The following CEP104 variants were observed in gnomAD, a reference collection of about 807,000 sequenced individuals.
CEP104 encodes centrosomal protein of 104 kDa.
Under a neutral mutation model 113.3 loss-of-function variants are expected in CEP104, and 84 were observed. The observed-to-expected ratio is 0.74, with a 90% CI of 0.62 to 0.89. The LOEUF (loss-of-function observed/expected upper bound fraction) is 0.89. Among genes scored for constraint, CEP104 ranks in the 40% least tolerant of loss-of-function variants. The pLI is 0.00. For synonymous variants in CEP104, 378 were observed against 421.7 expected (o/e 0.90, Z 1.27); for missense variants, 1,053 against 1,156.6 (o/e 0.91, Z 1.30).
At position 3,823,952 on chromosome 1, in the gene CEP104, A is replaced by G. The variant is rs1644032992; in HGVS notation, c.2365-390T>C. On this transcript the variant is annotated intron_variant, in intron 18 of 21. Transcript: ENST00000378230. This position sits in a 1 kb window ranked among gnomAD's most constrained non-coding sequence, Gnocchi z 4.1. ...CACAGAAACAGGACCACAGAAAAGA[A>G]TTTTAAGAGATTCTCTCGCTACGTT... Among the ~76,000 whole-genome samples, 1 of 152,226 alleles carries G rather than the reference A, an allele frequency of 6.6e-6. No homozygotes were observed. Among genetic ancestry groups the G allele is most frequent in the Non-Finnish European group, 1.5e-5 (1 of 68,042 alleles).
At chr1:3,849,022 C>T (rs1644562147) in intron 2 of CEP104, among the ~76,000 whole-genome samples, 1 of 152,156 alleles carries the variant, frequency 6.6e-6, no homozygotes. Flanking sequence ...CTATAGGAAT[C>T]ATACTCTTGG....
chr1:3,838,932 T>C (rs1230677470), intron 8 of CEP104, 32 bp downstream of exon 8: 1 of 1,612,074 alleles, frequency 6.2e-7, no homozygotes, highest in Non-Finnish European at 8.5e-7. Flanking sequence ...CTCCTAGGCT[T>C]TCCTCCACTC....
At chr1:3,822,227 G>C (rs934551736) in intron 20 of CEP104, among the ~76,000 whole-genome samples, 3 of 81,484 alleles carry the variant, frequency 3.7e-5, no homozygotes, top group African/African-American at 1.2e-4. Flanking sequence ...GAGAGAGAGA[G>C]ACTGACAGAC....
At chr1:3,836,308 A>G (rs1426893592) in intron 10 of CEP104, among the ~76,000 whole-genome samples, 187 bp downstream of exon 10, 3 of 94,358 alleles carry the variant, frequency 3.2e-5, no homozygotes, top group Non-Finnish European at 8.1e-5. Flanking sequence ...CCGTCTCAAA[A>G]AAAAAAAAAA....
rs200411994 is a variant in CEP104 at position 3,848,623 on chromosome 1, C to T, written c.272G>A (p.Arg91Gln). ...PEYFAPYQAE[R>Q]FRRLGYVSLC... ...TCATTCTTACCCAAGTCTTCGAAAC[C>T]GCTCTGCTTGATAGGGTGCAAAATA... is the stretch of plus-strand genomic sequence containing the variant. Residue 91 changes from arginine (R) to glutamine (Q), a missense_variant, in exon 3 of 22, where the codon CGG becomes CAG. Transcript: ENST00000378230. 477 of 1,611,184 alleles carry T rather than the reference C, an allele frequency of 3.0e-4. 6 individuals carry two copies. The East Asian group carries it at 9.1e-3, about 31-fold the overall frequency.
intron 6 of CEP104, among the ~76,000 whole-genome samples, chr1:3,841,929 T>C (rs17412654): frequency 0.2 from 30,123 of 152,266 alleles, 3,416 homozygotes; most frequent in Non-Finnish European, 0.25. Flanking sequence ...GCGGTCTTTG[T>C]GGAGAGGCTG....
At chr1:3,816,729 G>A (rs1643886684) in intron 20 of CEP104, among the ~76,000 whole-genome samples, 2 of 152,262 alleles carry the variant, frequency 1.3e-5, no homozygotes, top group Admixed American at 1.3e-4. Context: ...CAGGCCAGAA[G>A]ACAGAACGCG....
chr1:3,833,085 A>G (rs550234103), intron 12 of CEP104, among the ~76,000 whole-genome samples: 37 of 150,416 alleles, frequency 2.5e-4, no homozygotes, highest in African/African-American at 8.1e-4. Flanking sequence ...CCCGGGTTCG[A>G]TTCTCCTGCC....
chr1:3,834,954 T>C lies in CEP104; in HGVS notation c.1456A>G (p.Arg486Gly). ...GTCACAATGTCCTTTATGGCTCTTC[T>C]AACGAGAAAGACGGATGCTCTCAGT... ...NTLRASVFLV[R>G]RAIKDIVTSV... The change falls in exon 11 of 22, where the codon AGA becomes GGA. Residue 486 changes from arginine to glycine, a missense_variant. Arg to Gly is a moderately radical substitution (Grantham distance 125). Transcript: ENST00000378230. 1 of 1,603,270 alleles carries C rather than the reference T, an allele frequency of 6.2e-7. No individual in the cohort carries two copies. Among genetic ancestry groups the C allele is most frequent in the Non-Finnish European group, 8.5e-7 (1 of 1,174,348 alleles).
chr1:3,856,203 G>A (rs1016634662), intron 1 of CEP104, among the ~76,000 whole-genome samples: 1 of 152,204 alleles, frequency 6.6e-6, no homozygotes, highest in African/African-American at 2.4e-5. Context: ...GAGGTCAGGA[G>A]TTCGAGACCA....
intron 2 of CEP104, 42 bp downstream of exon 2, chr1:3,852,253 A>G: frequency 1.3e-6 from 2 of 1,583,184 alleles, no homozygotes; most frequent in East Asian, 4.5e-5. Context: ...CAGGGACCCG[A>G]GGCTGCCTCC....
chr1:3,839,844 G>T, intron 6 of CEP104, 68 bp from the exon 7 acceptor site: 1 of 1,303,656 alleles, frequency 7.7e-7, no homozygotes, highest in Non-Finnish European at 1.1e-6. Flanking sequence ...GAAGATGCAC[G>T]GTTGAGAAGA....
chr1:3,855,846 C>T, intron 1 of CEP104: 3 of 939,126 alleles, frequency 3.2e-6, no homozygotes, highest in Non-Finnish European at 3.8e-6. Flanking sequence ...CTCTGTTGAA[C>T]ATCCAGTTAT....
intron 6 of CEP104, among the ~76,000 whole-genome samples, chr1:3,843,833 CT>C (rs1268488102): frequency 6.6e-6 from 1 of 151,960 alleles, no homozygotes; most frequent in Non-Finnish European, 1.5e-5. Context: ...ACAATCTCGG[CT>C]CACCACAACC....
At chr1:3,849,530 C>T (rs902974659) in intron 2 of CEP104, among the ~76,000 whole-genome samples, 6 of 152,128 alleles carry the variant, frequency 3.9e-5, no homozygotes, top group Non-Finnish European at 1.5e-5. Flanking sequence ...TGGGCCCAGC[C>T]CAAAAGTAAC....
At chr1:3,833,277 T>C (rs1644251513) in intron 12 of CEP104, among the ~76,000 whole-genome samples, 1 of 152,026 alleles carries the variant, frequency 6.6e-6, no homozygotes, top group Non-Finnish European at 1.5e-5. Flanking sequence ...CCGTGCCCAG[T>C]CTGGCCTGGA....
At chr1:3,827,023 T>C (rs1315246481) in intron 15 of CEP104, among the ~76,000 whole-genome samples, 1 of 152,012 alleles carries the variant, frequency 6.6e-6, no homozygotes, top group Non-Finnish European at 1.5e-5. Flanking sequence ...TGTGGTGGCG[T>C]GCCCTGTAGT....
chr1:3,844,004 C>G (rs898232185), intron 6 of CEP104, among the ~76,000 whole-genome samples: 1 of 151,788 alleles, frequency 6.6e-6, no homozygotes. Flanking sequence ...TCGTGATCCA[C>G]CCACCTTTGG....
At position 3,831,649 on chromosome 1, in the gene CEP104, C is replaced by T. The variant is rs755469577; in HGVS notation, c.1660-427G>A. Among the ~76,000 whole-genome samples, 6 of 152,120 alleles carry T rather than the reference C, an allele frequency of 3.9e-5. No individual in the cohort carries two copies. In the East Asian group the frequency reaches 9.6e-4, roughly 24 times the overall value. On this transcript the variant is annotated intron_variant, in intron 12 of 21. Transcript: ENST00000378230. Reference sequence around the variant, plus strand: ...AAGAGTGTATGATTCTGCAGTGATACGGTCACCAGTGGGTTAAGATGGAAA... The same window carrying T: ...AAGAGTGTATGATTCTGCAGTGATATGGTCACCAGTGGGTTAAGATGGAAA...
Sources: gnomAD v4.1 joint callset for allele counts (sites outside exome capture counted in the v4.1 genomes callset) on GRCh38, gnomAD v4.1.1 for gene constraint, Gnocchi (gnomAD v3.1) non-coding constraint, MANE v1.5 for transcripts, NCBI Gene and HGNC (gene_info 2026-07-23, HGNC 2026-07-21) for gene names.